VAPB: variants seen among roughly 807,000 people sequenced by gnomAD.
VAPB encodes the protein vesicle-associated membrane protein-associated protein B/C.
A neutral mutation model predicts 25.6 loss-of-function variants in VAPB; 7 were observed. The ratio of observed to expected loss-of-function variants is 0.27; its 90% confidence interval spans 0.16 to 0.51. The LOEUF (loss-of-function observed/expected upper bound fraction) is 0.51, where lower values mean the gene tolerates loss of function less well. VAPB is among the 20% of genes least tolerant of loss of function. VAPB has a pLI of 0.97. For synonymous variants in VAPB, 112 were observed against 109.2 expected (o/e 1.03, Z -0.16); for missense variants, 266 against 301.3 (o/e 0.88, Z 0.87).
At chr20:58,399,025 G>A (rs1164412938) in intron 1 of VAPB, among the ~76,000 whole-genome samples, 1 of 152,160 alleles carries the variant, frequency 6.6e-6, no homozygotes, top group Non-Finnish European at 1.5e-5. Flanking sequence ...AAAAGGCTGG[G>A]CACAGTGGCT....
chr20:58,438,872 G>C, intron 3 of VAPB, 73 bp from the exon 4 acceptor site: 1 of 1,322,130 alleles, frequency 7.6e-7, no homozygotes, highest in Non-Finnish European at 1.1e-6. Flanking sequence ...TTCTGAAATT[G>C]TCAGTTATAG....
rs1989255781 is a variant in VAPB, at chr20:58,445,182, C to A, written c.*947C>A. On this transcript the variant is annotated 3_prime_UTR_variant, in exon 6 of 6. Transcript: ENST00000475243. ...AACAACTGTCATAGGGAGGGAAATT[C>A]TCAGTAGTGACAGTCAACTCTAGGT... 2.2e-6 allele frequency: 1 copy of A among 453,970 alleles called. No homozygotes were observed. Among genetic ancestry groups the A allele is most frequent in the Non-Finnish European group, 4.4e-6 (1 of 226,780 alleles). 28.1% of individuals were successfully genotyped at this position (453,970 alleles called of 1,614,324 possible).
intron 5 of VAPB, among the ~76,000 whole-genome samples, chr20:58,443,700 G>T (rs1989211804): frequency 6.6e-6 from 1 of 152,178 alleles, no homozygotes; most frequent in South Asian, 2.1e-4. Flanking sequence ...AGGACAGAGA[G>T]GTTGGGGTTG....
rs1416482481 is a variant in VAPB at position 58,446,778 on chromosome 20, GTTGA to G, written c.*2546_*2549del. 2.2e-6 allele frequency: 1 copy of G among 454,082 alleles called. No individual in the cohort carries two copies. Among genetic ancestry groups the G allele is most frequent in the Non-Finnish European group, 4.4e-6 (1 of 226,794 alleles). 28.1% of individuals were successfully genotyped at this position (454,082 alleles called of 1,614,324 possible). ...AGAGAAACAGGTGACTGATGGGAAG[GTTGA>G]TTATTTTCTCAGTCATCCTGGCAGC... On this transcript the variant is annotated 3_prime_UTR_variant, in exon 6 of 6. Coordinates refer to ENST00000475243, the MANE Select transcript of VAPB (RefSeq NM_004738.5).
Position 58,400,981 on chromosome 20 carries a change from G to C in VAPB, c.58+11464G>C, listed in dbSNP as rs750266830. On this transcript the variant is annotated intron_variant, in intron 1 of 5. Coordinates refer to ENST00000475243, the MANE Select transcript of VAPB (RefSeq NM_004738.5). ...TGGCTTACTCTTGAGAGAATGTGCAGATGCACACAATCAAAACTTTTCATG... is the reference window on the plus strand; with the variant it reads ...TGGCTTACTCTTGAGAGAATGTGCACATGCACACAATCAAAACTTTTCATG... Among the ~76,000 whole-genome samples the C allele has an allele frequency of 1.2e-4, 18 of 152,322 alleles. No homozygotes were observed. The Middle Eastern group carries it at 0.02, about 173-fold the overall frequency.
In VAPB at chr20:58,418,301, G is replaced by A. The variant is rs778280109; in HGVS notation, c.149G>A (p.Arg50His). The A allele has an allele frequency of 4.3e-6, 7 of 1,614,204 alleles. No homozygotes were observed. Among genetic ancestry groups the A allele is most frequent in the Non-Finnish European group, 5.9e-6 (7 of 1,180,034 alleles). ...VCFKVKTTAP[R>H]RYCVRPNSGI... ...TTTAAGGTGAAGACTACAGCACCAC[G>A]TAGGTACTGTGTGAGGCCCAACAGC... The change falls in exon 2 of 6, where the codon CGT (arginine) becomes CAT (histidine). Residue 50 changes from arginine to histidine, a missense_variant. Transcript: ENST00000475243.
At chr20:58,433,617 C>G (rs1988973765) in intron 2 of VAPB, among the ~76,000 whole-genome samples, 1 of 152,214 alleles carries the variant, frequency 6.6e-6, no homozygotes, top group Non-Finnish European at 1.5e-5. Flanking sequence ...AAATTCACCT[C>G]TCTGTGTTCA....
At chr20:58,395,011 GTTA>G (rs1463773666) in intron 1 of VAPB, among the ~76,000 whole-genome samples, 2 of 152,168 alleles carry the variant, frequency 1.3e-5, no homozygotes, top group Non-Finnish European at 1.5e-5. Flanking sequence ...TTGACCCTGT[GTTA>G]TTATCGCTAA....
chr20:58,412,576 C>CAAGAAAAAAAAAAAAA (rs1988407108), intron 1 of VAPB, among the ~76,000 whole-genome samples: 1 of 90,788 alleles, frequency 1.1e-5, no homozygotes, highest in African/African-American at 4.6e-5. Flanking sequence ...GACTCTGTCT[C>CAAGAAAAAAAAAAAAA]AAAAAAAAAA....
In VAPB at chr20:58,399,638, C is replaced by T. The variant is rs1214731496; in HGVS notation, c.58+10121C>T. On this transcript the variant is annotated intron_variant, in intron 1 of 5. Transcript: ENST00000475243. ...GGCTGAGGGGCAGGAATCGCTTGAA[C>T]CCAGGAGGGCAGAGGTTGCAGCTAG... 3.3e-5 allele frequency among the ~76,000 whole-genome samples: 5 copies of T among 151,252 alleles called. No homozygotes were observed. The East Asian group carries it at 5.8e-4, about 18-fold the overall frequency.
chr20:58,406,687 T>C (rs1988237243), intron 1 of VAPB, among the ~76,000 whole-genome samples: 1 of 152,188 alleles, frequency 6.6e-6, no homozygotes, highest in Non-Finnish European at 1.5e-5. Context: ...ATGGAACACT[T>C]TGGAGAAGTT....
chr20:58,407,934 G>T (rs1988272341), intron 1 of VAPB, among the ~76,000 whole-genome samples: 1 of 151,944 alleles, frequency 6.6e-6, no homozygotes, highest in African/African-American at 2.4e-5. Context: ...TAGTTTTCCA[G>T]GCTGTTCCTT....
chr20:58,444,169 C>G lies in VAPB; in HGVS notation c.666C>G (p.Thr222=). 6.2e-7 allele frequency: 1 copy of G among 1,614,176 alleles called. No homozygotes were observed. Among genetic ancestry groups the G allele is most frequent in the Non-Finnish European group, 8.5e-7 (1 of 1,180,044 alleles). Residue 222 remains threonine (T), a synonymous_variant, in exon 6 of 6, where the codon ACC becomes ACG. Transcript: ENST00000475243. ...APTGKEEGLS[T]RLLALVVLFF... Reference sequence around the variant, plus strand: ...CTGGGAAGGAAGAAGGCCTTAGCACCCGGCTCTTGGCTCTGGTGGTTTTGT... The same window carrying G: ...CTGGGAAGGAAGAAGGCCTTAGCACGCGGCTCTTGGCTCTGGTGGTTTTGT...
chr20:58,392,597 C>T (rs1420572624), intron 1 of VAPB, among the ~76,000 whole-genome samples: 2 of 152,210 alleles, frequency 1.3e-5, no homozygotes, highest in Non-Finnish European at 2.9e-5. Context: ...AGAAATGGCA[C>T]ATTTAACTGG....
intron 1 of VAPB, among the ~76,000 whole-genome samples, chr20:58,406,626 G>A (rs1337446950): frequency 6.6e-6 from 1 of 152,224 alleles, no homozygotes; most frequent in East Asian, 1.9e-4. Context: ...TGAATTGGAT[G>A]TGTTGATTTT....
intron 1 of VAPB, among the ~76,000 whole-genome samples, chr20:58,393,632 T>G (rs954406346): frequency 6.6e-6 from 1 of 152,246 alleles, no homozygotes. Flanking sequence ...AGATCATTCC[T>G]TACATCCTAG....
intron 3 of VAPB, among the ~76,000 whole-genome samples, chr20:58,435,262 TAA>T (rs1194210774): frequency 6.6e-6 from 1 of 151,510 alleles, no homozygotes; most frequent in Non-Finnish European, 1.5e-5. Context: ...ATAAAAGAAA[TAA>T]GTGATGTTAG....
At chr20:58,417,078 CA>C (rs1199460374) in intron 1 of VAPB, among the ~76,000 whole-genome samples, 14 of 152,272 alleles carry the variant, frequency 9.2e-5, no homozygotes, top group Non-Finnish European at 1.9e-4. Flanking sequence ...TGTTTCCTTG[CA>C]AATGCAAAGA....
intron 4 of VAPB, chr20:58,439,495 C>T: frequency 1.0e-5 from 2 of 199,434 alleles, no homozygotes; most frequent in Non-Finnish European, 2.1e-5. Context: ...GAGGATTTCT[C>T]AGCCTCAACA....
Sources: gnomAD v4.1 joint callset for allele counts (sites outside exome capture counted in the v4.1 genomes callset) on GRCh38, gnomAD v4.1.1 for gene constraint, MANE v1.5 for transcripts, NCBI Gene and HGNC (gene_info 2026-07-23, HGNC 2026-07-21) for gene names.